CLSTN2: variants seen among roughly 807,000 people sequenced by gnomAD.
CLSTN2 encodes calsyntenin-2.
A neutral mutation model predicts 101.2 loss-of-function variants in CLSTN2; 48 were observed. The observed-to-expected ratio is 0.47, with a 90% CI of 0.38 to 0.60. CLSTN2 has a LOEUF of 0.60. CLSTN2 is among the 20% of genes least tolerant of loss of function. CLSTN2 has a pLI of 0.00. For synonymous variants in CLSTN2, 481 were observed against 463.6 expected (o/e 1.04, Z -0.48); for missense variants, 1,160 against 1,238.2 (o/e 0.94, Z 0.95).
chr3:140,555,733 T>G (rs960095972), intron 10 of CLSTN2, among the ~76,000 whole-genome samples: 1 of 152,180 alleles, frequency 6.6e-6, no homozygotes, highest in Non-Finnish European at 1.5e-5. Flanking sequence ...TTCAGGGCAG[T>G]ACAAAGGCAG....
intron 8 of CLSTN2, among the ~76,000 whole-genome samples, chr3:140,504,936 C>T (rs193232951): frequency 6.6e-6 from 1 of 152,240 alleles, no homozygotes; most frequent in African/African-American, 2.4e-5. Context: ...GTGAAAATTC[C>T]GCTTGGCAAA....
rs917108619 is a variant in CLSTN2 at position 140,574,386 on chromosome 3, T to C, written c.*8133T>C. On this transcript the variant is annotated 3_prime_UTR_variant, in exon 17 of 17. Transcript: ENST00000458420. ...CCCCTAAGCAAGGAGCAGGGGTAGA[T>C]GTGCCTGGGTGAGGCCTGCTTGCTC... 6.6e-6 allele frequency: 1 copy of C among 152,224 alleles called. No individual in the cohort carries two copies. The highest frequency in any genetic ancestry group is 6.5e-5 in the Admixed American group (1 of 15,284). 9.4% of individuals were successfully genotyped at this position (152,224 alleles called of 1,614,324 possible).
chr3:140,193,443 C>T (rs1451068018), intron 2 of CLSTN2, among the ~76,000 whole-genome samples: 1 of 151,696 alleles, frequency 6.6e-6, no homozygotes, highest in East Asian at 1.9e-4. Context: ...TCTTTTCTTT[C>T]ACCACCTGAA....
At chr3:140,445,004 C>G (rs763825313) in intron 5 of CLSTN2, among the ~76,000 whole-genome samples, 27 of 152,324 alleles carry the variant, frequency 1.8e-4, no homozygotes, top group Middle Eastern at 6.8e-3. Context: ...GTCTCACTCT[C>G]TCAAGTACAC....
At chr3:140,068,527 T>C (rs2008338336) in intron 1 of CLSTN2, among the ~76,000 whole-genome samples, 1 of 152,228 alleles carries the variant, frequency 6.6e-6, no homozygotes, top group Admixed American at 6.5e-5. Context: ...AATAGCAATG[T>C]GTTTTCTTTT....
chr3:140,207,892 G>A (rs979666842), intron 2 of CLSTN2, among the ~76,000 whole-genome samples: 3 of 152,046 alleles, frequency 2.0e-5, no homozygotes, highest in Non-Finnish European at 4.4e-5. Context: ...TTTGCATTTT[G>A]TTGGTTATGG....
intron 1 of CLSTN2, among the ~76,000 whole-genome samples, chr3:139,972,200 G>A (rs564879478): frequency 2.6e-5 from 4 of 152,124 alleles, no homozygotes; most frequent in African/African-American, 9.6e-5. Context: ...GGAGGCGGAG[G>A]TTGCAGTGAG....
intron 2 of CLSTN2, among the ~76,000 whole-genome samples, chr3:140,379,392 G>A (rs2087954832): frequency 1.3e-5 from 2 of 152,206 alleles, no homozygotes; most frequent in Non-Finnish European, 2.9e-5. Flanking sequence ...GAAGGGGAAG[G>A]AGGAGACAGT....
intron 1 of CLSTN2, among the ~76,000 whole-genome samples, chr3:140,123,480 C>G (rs2009377388): frequency 6.6e-6 from 1 of 152,070 alleles, no homozygotes. Context: ...CCCTGAGTGC[C>G]TCTGCATGCC....
At chr3:140,041,108 T>C (rs1455091425) in intron 1 of CLSTN2, among the ~76,000 whole-genome samples, 1 of 152,206 alleles carries the variant, frequency 6.6e-6, no homozygotes, top group African/African-American at 2.4e-5. Context: ...CTTCCATTCA[T>C]CACGTTAAAT....
chr3:139,970,747 A>G (rs1278950812), intron 1 of CLSTN2, among the ~76,000 whole-genome samples: 1 of 152,186 alleles, frequency 6.6e-6, no homozygotes, highest in Non-Finnish European at 1.5e-5. Flanking sequence ...CCAGGTGCTG[A>G]AATTGTTGTT....
At chr3:140,385,367 T>A (rs1371945897) in intron 2 of CLSTN2, among the ~76,000 whole-genome samples, 1 of 140,628 alleles carries the variant, frequency 7.1e-6, no homozygotes, top group Non-Finnish European at 1.5e-5. Flanking sequence ...CTTTTTTTTT[T>A]TTTTTTTTTT....
At chr3:140,074,882 AG>A (rs2008459822) in intron 1 of CLSTN2, among the ~76,000 whole-genome samples, 1 of 152,190 alleles carries the variant, frequency 6.6e-6, no homozygotes, top group African/African-American at 2.4e-5. Flanking sequence ...TTTCCCAGTC[AG>A]GGGCTCACTC....
At chr3:140,065,064 G>A (rs2008275698) in intron 1 of CLSTN2, among the ~76,000 whole-genome samples, 2 of 152,222 alleles carry the variant, frequency 1.3e-5, no homozygotes, top group African/African-American at 2.4e-5. Flanking sequence ...AACCATGGAA[G>A]CAATTTAAAA....
intron 1 of CLSTN2, among the ~76,000 whole-genome samples, chr3:140,172,233 CG>C (rs1202204687): frequency 1.3e-4 from 11 of 85,716 alleles, no homozygotes; most frequent in Admixed American, 1.0e-3. Flanking sequence ...TGGGGGTGAG[CG>C]GGGGGGACTA....
intron 2 of CLSTN2, among the ~76,000 whole-genome samples, chr3:140,393,571 G>T (rs751582315): frequency 6.6e-6 from 1 of 152,136 alleles, no homozygotes; most frequent in African/African-American, 2.4e-5. Context: ...AGAGGTAATC[G>T]GACATGGTAA....
At chr3:140,380,851 C>T (rs17411949) in intron 2 of CLSTN2, among the ~76,000 whole-genome samples, 6,852 of 152,222 alleles carry the variant, frequency 0.045, 182 homozygotes, top group South Asian at 0.067. Context: ...CTGGCTTATG[C>T]GCAGGACCAA....
At chr3:140,287,687 A>C (rs576379528) in intron 2 of CLSTN2, among the ~76,000 whole-genome samples, 16 of 152,310 alleles carry the variant, frequency 1.1e-4, no homozygotes, top group Admixed American at 9.2e-4. Context: ...TAATTCTCTA[A>C]AACAGCCTAG....
chr3:140,305,057 C>T (rs1308616070), intron 2 of CLSTN2, among the ~76,000 whole-genome samples: 1 of 106,064 alleles, frequency 9.4e-6, no homozygotes. Context: ...CACACACACT[C>T]TCTCTCTCTC....
Sources: allele counts gnomAD v4.1 joint callset (sites outside exome capture counted in the v4.1 genomes callset), GRCh38; gene constraint gnomAD v4.1.1; transcripts MANE v1.5; gene names NCBI Gene and HGNC (gene_info 2026-07-23, HGNC 2026-07-21).